The following EPB41L4B variants were observed in gnomAD, a reference collection of about 807,000 sequenced individuals.
EPB41L4B encodes erythrocyte membrane protein band 4.1 like 4B.
Under a neutral mutation model 112.5 loss-of-function variants are expected in EPB41L4B, and 30 were observed. The observed-to-expected ratio is 0.27, with a 90% confidence interval of 0.20 to 0.36. EPB41L4B has a LOEUF of 0.36. Among genes scored for constraint, EPB41L4B ranks in the 10% least tolerant of loss-of-function variants. EPB41L4B has a pLI of 1.00. For synonymous variants in EPB41L4B, 408 were observed against 439.7 expected (o/e 0.93, Z 0.90); for missense variants, 1,024 against 1,133.3 (o/e 0.90, Z 1.38).
At position 109,255,839 on chromosome 9, in the gene EPB41L4B, T is replaced by C. The variant is rs1475569133; in HGVS notation, c.934A>G (p.Lys312Glu). ...ANKIGLFFWP[K>E]ITKMDFKKSK... ...TTTTTAAAATCCATTTTGGTAATTTTAGGCCTAGTCAGACAGAAAGCATTT... is the reference window on the plus strand; with the variant it reads ...TTTTTAAAATCCATTTTGGTAATTTCAGGCCTAGTCAGACAGAAAGCATTT... Residue 312 changes from lysine to glutamate, a missense_variant, in exon 10 of 26, where the codon AAA becomes GAA. By Grantham distance (56) the Lys-to-Glu change is moderately conservative. Transcript: ENST00000374566. 1 of 1,613,738 alleles carries C rather than the reference T, an allele frequency of 6.2e-7. No individual in the cohort carries two copies. The highest frequency in any genetic ancestry group is 8.5e-7 in the Non-Finnish European group (1 of 1,179,912).
rs141949167 is a variant in EPB41L4B, at chr9:109,202,666, C to T, written c.1946+997G>A. ...GTGAGATCAGGGGAGGAAGGACTTC[C>T]TCTGGGTTTGGGGTGGTGGTGGCCT... is the stretch of plus-strand genomic sequence containing the variant. On this transcript the variant is annotated intron_variant, in intron 19 of 25. Coordinates refer to ENST00000374566, the MANE Select transcript of EPB41L4B (RefSeq NM_019114.5). 1.3e-5 allele frequency among the ~76,000 whole-genome samples: 2 copies of T among 152,272 alleles called. 1 individual carries two copies. The highest frequency in any genetic ancestry group is 1.3e-4 in the Admixed American group (2 of 15,300).
chr9:109,269,372 T>A (rs1210109038), intron 2 of EPB41L4B, among the ~76,000 whole-genome samples: 1 of 152,210 alleles, frequency 6.6e-6, no homozygotes, highest in Admixed American at 6.5e-5. Context: ...TACAAAATCA[T>A]CTGCCTCACA....
chr9:109,315,826 T>A (rs751123814), intron 1 of EPB41L4B, among the ~76,000 whole-genome samples: 1 of 152,174 alleles, frequency 6.6e-6, no homozygotes, highest in Non-Finnish European at 1.5e-5. Flanking sequence ...AAACATCACT[T>A]TTCACATCCA....
At chr9:109,270,621 A>AAGAATTCACCATT (rs1835575198) in intron 2 of EPB41L4B, among the ~76,000 whole-genome samples, 1 of 152,226 alleles carries the variant, frequency 6.6e-6, no homozygotes, top group Non-Finnish European at 1.5e-5. Context: ...TCACTTTCAA[A>AAGAATTCACCATT]AGAATTCACC....
rs116352287 is a variant in EPB41L4B at position 109,309,470 on chromosome 9, G to A, written c.306+10671C>T. ...ATTCCACCGAGGTGACCTCAGAAGC[G>A]GAACGGGATACGGGAGACAATCTCA... On this transcript the variant is annotated intron_variant, in intron 1 of 25. Coordinates refer to ENST00000374566, the MANE Select transcript of EPB41L4B (RefSeq NM_019114.5). 2.3e-3 allele frequency among the ~76,000 whole-genome samples: 352 copies of A among 152,250 alleles called. 3 individuals carry two copies. The highest frequency in any genetic ancestry group is 8.1e-3 in the African/African-American group (336 of 41,540).
At chr9:109,276,154 TACACACACACACACACACAC>T (rs66791042) in intron 2 of EPB41L4B, among the ~76,000 whole-genome samples, 1,586 of 141,746 alleles carry the variant, frequency 0.011, 31 homozygotes, top group African/African-American at 0.035. Flanking sequence ...CGTGTGTGTA[TACACACACACACACACACAC>T]ACACACACAC....
intron 15 of EPB41L4B, among the ~76,000 whole-genome samples, chr9:109,220,799 G>A (rs1349618315): frequency 7.6e-6 from 1 of 131,280 alleles, no homozygotes; most frequent in African/African-American, 3.1e-5. Context: ...GTGCGTGTGT[G>A]TGTGTAAGAA....
intron 1 of EPB41L4B, among the ~76,000 whole-genome samples, chr9:109,281,222 C>A (rs966891008): frequency 8.6e-5 from 13 of 150,290 alleles, no homozygotes; most frequent in Admixed American, 7.3e-4. Context: ...ATATAAAGAA[C>A]TATTACAGCT....
At chr9:109,220,712 A>G (rs992167863) in intron 15 of EPB41L4B, among the ~76,000 whole-genome samples, 1 of 152,016 alleles carries the variant, frequency 6.6e-6, no homozygotes, top group African/African-American at 2.4e-5. Context: ...TGCCTCCTGG[A>G]GACTTTGCTC....
intron 22 of EPB41L4B, among the ~76,000 whole-genome samples, chr9:109,186,127 C>T (rs1427968005): frequency 6.6e-6 from 1 of 151,986 alleles, no homozygotes; most frequent in Non-Finnish European, 1.5e-5. Context: ...TGTGGTATGT[C>T]AGTGAGTGGA....
intron 1 of EPB41L4B, among the ~76,000 whole-genome samples, chr9:109,289,076 C>G (rs912007852): frequency 6.6e-6 from 1 of 152,180 alleles, no homozygotes; most frequent in Non-Finnish European, 1.5e-5. Flanking sequence ...TCCGTAAACA[C>G]AGCCCTTGTC....
At position 109,203,696 on chromosome 9, in the gene EPB41L4B, T is replaced by G. The variant is rs374279624; in HGVS notation, c.1913A>C (p.Asn638Thr). The change falls in exon 19 of 26, where the codon AAT becomes ACT. Residue 638 changes from asparagine (N) to threonine (T), a missense_variant. By Grantham distance (65) the Asn-to-Thr change is moderately conservative (BLOSUM62 0). Coordinates refer to ENST00000374566, the MANE Select transcript of EPB41L4B (RefSeq NM_019114.5). ...AGCGTCCTGAAGACTGGATTTCTTA[T>G]TGATATTTACAAACGGTGATTCCTC... ...GKEESPFVNI[N>T]KKSSLQDASV... 2.0e-5 allele frequency: 32 copies of G among 1,613,986 alleles called. No individual in the cohort carries two copies. The highest frequency in any genetic ancestry group is 2.6e-5 in the Non-Finnish European group (31 of 1,179,960).
chr9:109,181,558 C>A (rs554732931), intron 24 of EPB41L4B, among the ~76,000 whole-genome samples: 1 of 152,280 alleles, frequency 6.6e-6, no homozygotes, highest in East Asian at 1.9e-4. Flanking sequence ...GAAGAGGGGG[C>A]AGGCATGGTG....
chr9:109,266,297 G>T (rs532931429), intron 4 of EPB41L4B, among the ~76,000 whole-genome samples: 5 of 152,232 alleles, frequency 3.3e-5, no homozygotes, highest in African/African-American at 1.2e-4. Flanking sequence ...GATCACTTGA[G>T]CCTGGGAGGT....
intron 1 of EPB41L4B, among the ~76,000 whole-genome samples, chr9:109,310,073 C>T (rs974334170): frequency 1.1e-4 from 16 of 152,112 alleles, no homozygotes; most frequent in African/African-American, 3.6e-4. Context: ...AAGTTCAAAG[C>T]GGTGTTTTTT....
At chr9:109,235,690 G>A (rs1022395044) in intron 15 of EPB41L4B, among the ~76,000 whole-genome samples, 6 of 152,216 alleles carry the variant, frequency 3.9e-5, no homozygotes, top group South Asian at 4.1e-4. Flanking sequence ...GATTCACCAC[G>A]CCCGGCCTTG....
chr9:109,287,413 A>T (rs1214947631), intron 1 of EPB41L4B, among the ~76,000 whole-genome samples: 3 of 152,196 alleles, frequency 2.0e-5, no homozygotes, highest in Non-Finnish European at 4.4e-5. Context: ...AAACCAACCC[A>T]TCAAATCTCA....
chr9:109,194,253 T>C lies in EPB41L4B; in HGVS notation c.2190A>G (p.Ser730=). 1.9e-6 allele frequency: 3 copies of C among 1,614,218 alleles called. No individual in the cohort carries two copies. The highest frequency in any genetic ancestry group is 1.1e-5 in the South Asian group (1 of 91,080). Residue 730 remains serine, a synonymous_variant, in exon 21 of 26, where the codon TCA becomes TCG. Transcript: ENST00000374566. ...CAGGGGACAGCAGGCCTTTGCCTTC[T>C]GACTTGTGAGGCGAGCTGACATTCT... ...KVQNVSSPHK[S]EGKGLLSPGA...
In EPB41L4B at chr9:109,213,690, C is replaced by G; in HGVS notation, c.1752+10G>C. The G allele has an allele frequency of 6.2e-7, 1 of 1,610,674 alleles. No homozygotes were observed. Among genetic ancestry groups the G allele is most frequent in the Non-Finnish European group, 8.5e-7 (1 of 1,177,262 alleles). Reference sequence around the variant, plus strand: ...GTCCATGGTCATGGCAGAGCCCCGGCCCTTGGCACCTTGTTTATGTTGATG... The same window carrying G: ...GTCCATGGTCATGGCAGAGCCCCGGGCCTTGGCACCTTGTTTATGTTGATG... On this transcript the variant is annotated intron_variant, in intron 17 of 25. Coordinates refer to ENST00000374566, the MANE Select transcript of EPB41L4B (RefSeq NM_019114.5).
Sources: allele counts gnomAD v4.1 joint callset (sites outside exome capture counted in the v4.1 genomes callset), GRCh38; gene constraint gnomAD v4.1.1; transcripts MANE v1.5; gene names NCBI Gene and HGNC (gene_info 2026-07-23, HGNC 2026-07-21).